The following PDK1 variants were observed in gnomAD, a reference collection of about 807,000 sequenced individuals.
The protein encoded by PDK1 is [Pyruvate dehydrogenase (acetyl-transferring)] kinase isozyme 1, mitochondrial.
PDK1 carries 39 observed loss-of-function variants against 54.2 expected under a neutral mutation model. The ratio of observed to expected loss-of-function variants is 0.72; its 90% CI spans 0.56 to 0.94. PDK1 has a LOEUF of 0.94. Ranked by LOEUF, PDK1 falls within the 40% of genes least tolerant of loss-of-function variation. The pLI is 0.00. For synonymous variants in PDK1, 221 were observed against 207.1 expected (o/e 1.07, Z -0.58); for missense variants, 552 against 566.0 (o/e 0.98, Z 0.25).
Position 172,606,316 on chromosome 2 carries a change from TAATC to T in PDK1, c.*10350_*10353del, listed in dbSNP as rs1305784475. On this transcript the variant is annotated 3_prime_UTR_variant, in exon 11 of 11. Transcript: ENST00000282077. ...AGAAGATCTCCTCTCTCTTAGAACT[TAATC>T]AAACTCTTGGCATCCACAGAAGGCT... 2.6e-5 allele frequency: 4 copies of T among 152,340 alleles called. No individual in the cohort carries two copies. The highest frequency in any genetic ancestry group is 9.6e-5 in the African/African-American group (4 of 41,574). 9.4% of individuals were successfully genotyped at this position (152,340 alleles called of 1,614,324 possible).
chr2:172,611,951 A>G (rs1691476427), downstream of PDK1, among the ~76,000 whole-genome samples: 1 of 152,274 alleles, frequency 6.6e-6, no homozygotes, highest in African/African-American at 2.4e-5. Context: ...ACTTTTTCAT[A>G]TCTCACCTTG....
At chr2:172,712,535 G>C in the PDK1 span, among the ~76,000 whole-genome samples, 1 of 152,232 alleles carries the variant, frequency 6.6e-6, no homozygotes, top group East Asian at 1.9e-4. Context: ...CTGCGGTGGG[G>C]TGGGCAGTTC....
At chr2:172,667,952 T>C in the PDK1 span, among the ~76,000 whole-genome samples, 1 of 152,236 alleles carries the variant, frequency 6.6e-6, no homozygotes, top group Non-Finnish European at 1.5e-5. Context: ...AAGATTATGC[T>C]TTGCCAGAGC....
the PDK1 span, among the ~76,000 whole-genome samples, chr2:172,721,298 G>C: frequency 6.6e-6 from 1 of 152,132 alleles, no homozygotes; most frequent in African/African-American, 2.4e-5. Flanking sequence ...AGGTGTTTTT[G>C]TTTGCTTTCT....
At chr2:172,719,371 TA>T in the PDK1 span, among the ~76,000 whole-genome samples, 54 of 152,220 alleles carry the variant, frequency 3.5e-4, no homozygotes, top group African/African-American at 1.3e-3. Flanking sequence ...TTAGCTTTAT[TA>T]AAAAAAACTT....
At chr2:172,691,538 G>A in the PDK1 span, 5 of 152,172 alleles carry the variant, frequency 3.3e-5, no homozygotes, top group Admixed American at 3.3e-4. Flanking sequence ...TAGATTCACT[G>A]CCCTAAAAAT....
chr2:172,578,611 A>G (rs779539130), intron 8 of PDK1, among the ~76,000 whole-genome samples: 70 of 151,878 alleles, frequency 4.6e-4, no homozygotes, highest in Middle Eastern at 3.4e-3. Flanking sequence ...TATGGGCAAT[A>G]CTTTTTTGTT....
chr2:172,580,476 G>T (rs1372405494), intron 8 of PDK1, among the ~76,000 whole-genome samples: 2 of 152,146 alleles, frequency 1.3e-5, no homozygotes, highest in South Asian at 2.1e-4. Context: ...TCATTGCATA[G>T]ATCAAGGTTT....
intron 8 of PDK1, among the ~76,000 whole-genome samples, chr2:172,585,307 GC>G (rs1690157751): frequency 7.0e-6 from 1 of 142,406 alleles, no homozygotes; most frequent in South Asian, 2.1e-4. Context: ...CCTAGTACAT[GC>G]ATTTTTAATT....
At chr2:172,700,819 C>G in the PDK1 span, among the ~76,000 whole-genome samples, 2 of 152,268 alleles carry the variant, frequency 1.3e-5, no homozygotes, top group East Asian at 3.9e-4. Flanking sequence ...CTGGCCAACA[C>G]GGCAAAAACC....
intron 5 of PDK1, among the ~76,000 whole-genome samples, chr2:172,565,519 G>T (rs1025753789): frequency 1.3e-5 from 2 of 152,066 alleles, no homozygotes; most frequent in African/African-American, 4.8e-5. Flanking sequence ...GGCCAGGCTG[G>T]TCTGGAACTC....
chr2:172,687,396 A>G, the PDK1 span, among the ~76,000 whole-genome samples: 1 of 152,096 alleles, frequency 6.6e-6, no homozygotes, highest in Non-Finnish European at 1.5e-5. Context: ...TGCATCACAA[A>G]TCCTTCTCTG....
At chr2:172,574,451 C>CA (rs558247001) in intron 8 of PDK1, among the ~76,000 whole-genome samples, 502 of 151,994 alleles carry the variant, frequency 3.3e-3, no homozygotes, top group Non-Finnish European at 5.0e-3. Flanking sequence ...TCAATTTCTG[C>CA]AAAAAAACAA....
chr2:172,610,648 T>C (rs934330697), downstream of PDK1, among the ~76,000 whole-genome samples: 2 of 152,196 alleles, frequency 1.3e-5, no homozygotes, highest in Non-Finnish European at 2.9e-5. Context: ...TCTCACTCTC[T>C]TGCACAGGCT....
At chr2:172,715,661 G>C in the PDK1 span, among the ~76,000 whole-genome samples, 1 of 152,124 alleles carries the variant, frequency 6.6e-6, no homozygotes, top group Non-Finnish European at 1.5e-5. Flanking sequence ...CACAGGCAAA[G>C]AACACATGAT....
the PDK1 span, among the ~76,000 whole-genome samples, chr2:172,659,599 C>A: frequency 6.6e-6 from 1 of 152,162 alleles, no homozygotes; most frequent in Non-Finnish European, 1.5e-5. Flanking sequence ...CTACATTAAC[C>A]CACATGCTAG....
At chr2:172,555,905 A>C, upstream of PDK1, 4 of 351,256 alleles carry the variant, frequency 1.1e-5, no homozygotes, top group Non-Finnish European at 2.0e-5. Context: ...CTTCCTCGGG[A>C]GGCTGGGCGG....
chr2:172,658,244 A>G, the PDK1 span, among the ~76,000 whole-genome samples: 1 of 152,228 alleles, frequency 6.6e-6, no homozygotes, highest in East Asian at 1.9e-4. Context: ...CCCCGAATGG[A>G]GGGACTGGCT....
At chr2:172,561,100 T>A (rs1174575778) in intron 2 of PDK1, among the ~76,000 whole-genome samples, 1 of 152,212 alleles carries the variant, frequency 6.6e-6, no homozygotes, top group Non-Finnish European at 1.5e-5. Flanking sequence ...GGGAAGCATT[T>A]GTTTAGTAAT....
Sources: gnomAD v4.1 joint callset for allele counts (sites outside exome capture counted in the v4.1 genomes callset) on GRCh38, gnomAD v4.1.1 for gene constraint, MANE v1.5 for transcripts, NCBI Gene and HGNC (gene_info 2026-07-23, HGNC 2026-07-21) for gene names.